The following LSS variants were observed in gnomAD, a reference collection of about 807,000 sequenced individuals.
The protein encoded by LSS is 2,3-epoxysqualene-lanosterol cyclase.
In LSS, 90 loss-of-function variants were observed where a neutral mutation model predicts 110.3. That is an observed-to-expected ratio of 0.82 (90% CI 0.69 to 0.97). LSS has a LOEUF of 0.97. LSS is among the 50% of genes least tolerant of loss of function. The probability of loss-of-function intolerance (pLI) is 0.00; values close to 1 mark genes in which losing one functional copy is unlikely to be tolerated. For missense variants in LSS, 927 were observed against 990.0 expected (o/e 0.94, Z 0.85); for synonymous variants, 433 against 400.0 (o/e 1.08, Z -0.98).
Position 46,222,037 on chromosome 21 carries a change from A to G in LSS, c.429-62T>C, listed in dbSNP as rs932864564. The G allele has an allele frequency of 3.1e-6, 5 of 1,588,806 alleles. No individual in the cohort carries two copies. In the African/African-American group the frequency reaches 6.8e-5, roughly 21 times the overall value. On this transcript the variant is annotated intron_variant, in intron 4 of 21. Coordinates refer to ENST00000397728, the MANE Select transcript of LSS (RefSeq NM_002340.6). The stretch of plus-strand genomic sequence containing the variant: ...GTCCTTACTTCTAAGAAATAAAGCA[A>G]AACTTTCTGTGGAGTTTCCTCAGAA...
chr21:46,217,849 G>A (rs1006543708), intron 6 of LSS, among the ~76,000 whole-genome samples: 3 of 152,162 alleles, frequency 2.0e-5, no homozygotes, highest in African/African-American at 7.2e-5. Flanking sequence ...AGTCCAGCGG[G>A]CATTTGAATG....
At position 46,215,674 on chromosome 21, in the gene LSS, G is replaced by A; in HGVS notation, c.892+11C>T. ...CTGGGCTGCCCTGCCGGCCCCTCAG[G>A]AGGCGCTCACCATATACCACGCGGA... On this transcript the variant is annotated intron_variant, in intron 8 of 21. Transcript: ENST00000397728. The A allele has an allele frequency of 6.3e-7, 1 of 1,590,482 alleles. No individual in the cohort carries two copies. The highest frequency in any genetic ancestry group is 1.1e-5 in the South Asian group (1 of 89,308).
intron 9 of LSS, among the ~76,000 whole-genome samples, chr21:46,214,157 A>G (rs1227314735): frequency 2.6e-5 from 4 of 152,180 alleles, no homozygotes; most frequent in African/African-American, 9.7e-5. Flanking sequence ...CAGGTGCCTT[A>G]GAGACAACAC....
rs781574112 is a variant in LSS, at chr21:46,213,040, G to A, written c.1122C>T (p.Asp374=). 69 of 1,613,774 alleles carry A rather than the reference G, an allele frequency of 4.3e-5. No homozygotes were observed. Among genetic ancestry groups the A allele is most frequent in the African/African-American group, 2.5e-4 (19 of 74,928 alleles). ...CAGCCCTTACCTGCATTTTCATGCC[G>A]TCAAGGCCCATCCTGTGAGGAGAAA... ...RIPDYLWMGL[D]GMKMQGTNGS... The change falls in exon 11 of 22, where the codon GAC becomes GAT. Residue 374 remains aspartate (D), a synonymous_variant. Transcript: ENST00000397728.
chr21:46,194,564 G>A lies in LSS; in HGVS notation c.1915C>T (p.Arg639Trp), dbSNP rs1286135138. Residue 639 changes from arginine to tryptophan, a missense_variant, in exon 20 of 22, where the codon CGG (arginine) becomes TGG (tryptophan). By Grantham distance (101) the Arg-to-Trp change is moderately radical. Coordinates refer to ENST00000397728, the MANE Select transcript of LSS (RefSeq NM_002340.6). ...WGEDFESCEE[R>W]RYLQSAQSQI... ...GACTGGGCACTCTGCAAATAACGCC[G>A]CTCCTCGCAGGACTCAAAGTCCTCC... is the stretch of plus-strand genomic sequence containing the variant. The A allele has an allele frequency of 4.3e-6, 7 of 1,613,536 alleles. No homozygotes were observed. The highest frequency in any genetic ancestry group is 2.2e-5 in the East Asian group (1 of 44,900).
At chr21:46,193,197 T>A (rs1364161317) in intron 20 of LSS, 1 of 448,382 alleles carries the variant, frequency 2.2e-6, no homozygotes, top group Admixed American at 2.4e-5. Context: ...GTGGCACAGA[T>A]GGGATGCTGT....
chr21:46,213,819 TTGA>T lies in LSS; in HGVS notation c.1025_1027del (p.Ile342del). ...GTCCACATACCAGCGCACAAGCATGTTGATGGTTTTCGAGATCTGCAGGAGAGA... is the reference window on the plus strand; with the variant it reads ...GTCCACATACCAGCGCACAAGCATGTTGGTTTTCGAGATCTGCAGGAGAGA... On this transcript the variant is annotated inframe_deletion, in exon 10 of 22. Transcript: ENST00000397728. 1 of 1,613,774 alleles carries T rather than the reference TTGA, an allele frequency of 6.2e-7. No individual in the cohort carries two copies. The highest frequency in any genetic ancestry group is 8.5e-7 in the Non-Finnish European group (1 of 1,179,864).
intron 17 of LSS, among the ~76,000 whole-genome samples, chr21:46,201,926 T>C (rs2123711132): frequency 6.7e-6 from 1 of 150,172 alleles, no homozygotes; most frequent in South Asian, 2.1e-4. Context: ...GCCTCCCGAG[T>C]AGCTGGGACT....
At chr21:46,226,094 C>T (rs190652072) in intron 3 of LSS, among the ~76,000 whole-genome samples, 3 of 151,568 alleles carry the variant, frequency 2.0e-5, no homozygotes, top group Admixed American at 1.3e-4. Flanking sequence ...CAAAATTGTG[C>T]CATTGCACTC....
intron 17 of LSS, among the ~76,000 whole-genome samples, chr21:46,196,769 C>G (rs984645952): frequency 2.0e-5 from 3 of 152,226 alleles, no homozygotes; most frequent in African/African-American, 7.2e-5. Flanking sequence ...CAGATCACGG[C>G]AGGGTTGATG....
At position 46,222,643 on chromosome 21, in the gene LSS, C is replaced by T; in HGVS notation, c.415G>A (p.Gly139Ser). The change falls in exon 4 of 22, where the codon GGT becomes AGT. Residue 139 changes from glycine (G) to serine (S), a missense_variant. Transcript: ENST00000397728. The stretch of plus-strand genomic sequence containing the variant: ...AGGCACACTCACAGGCCCCAGCCAC[C>T]GTCAGGGAGCTGCACTGACCGCAGG... ...RYLRSVQLPD[G>S]GWGLHIEDKS... 2 of 1,613,442 alleles carry T rather than the reference C, an allele frequency of 1.2e-6. No individual in the cohort carries two copies. The highest frequency in any genetic ancestry group is 1.1e-5 in the South Asian group (1 of 91,074).
intron 2 of LSS, 63 bp downstream of exon 2, chr21:46,228,371 G>A (rs1308140097): frequency 1.3e-6 from 2 of 1,553,782 alleles, no homozygotes; most frequent in African/African-American, 1.4e-5. Flanking sequence ...GAGAGAAAAC[G>A]TGCTCCTCAC....
At chr21:46,220,478 G>T (rs982853223) in intron 5 of LSS, 1 of 152,714 alleles carries the variant, frequency 6.5e-6, no homozygotes, top group South Asian at 2.1e-4. Flanking sequence ...GGAGTGGAAG[G>T]TAAGAGGCTC....
intron 1 of LSS, 27 bp downstream of exon 1, chr21:46,228,705 T>C: frequency 6.2e-7 from 1 of 1,602,690 alleles, no homozygotes. Flanking sequence ...CCCGCATTCG[T>C]CAGGAGCCCG....
intron 12 of LSS, among the ~76,000 whole-genome samples, chr21:46,210,064 T>TC (rs35931167): frequency 5.6e-4 from 28 of 50,014 alleles, no homozygotes; most frequent in Admixed American, 9.6e-4. Context: ...GTTCCAGTTC[T>TC]TTTTTTTTTT....
At chr21:46,228,352 C>T in intron 2 of LSS, 82 bp downstream of exon 2, 2 of 1,494,212 alleles carry the variant, frequency 1.3e-6, no homozygotes, top group South Asian at 1.2e-5. Context: ...TCCTCCCACC[C>T]GCCTTTCTGA....
At chr21:46,197,884 CAA>C (rs1299348841) in intron 17 of LSS, among the ~76,000 whole-genome samples, 1 of 122,196 alleles carries the variant, frequency 8.2e-6, no homozygotes, top group African/African-American at 3.0e-5. Context: ...GACTCTGTCT[CAA>C]AAAAAAAAAA....
rs545023283 is a variant in LSS, at chr21:46,225,919, G to A, written c.319+1633C>T. 2.2e-4 allele frequency among the ~76,000 whole-genome samples: 33 copies of A among 152,156 alleles called. No individual in the cohort carries two copies. In the East Asian group the frequency reaches 5.6e-3, roughly 26 times the overall value. ...ACGTCTTGGTGGTAGTGGTCCCCCG[G>A]GCCCAGCTGTCTTTTCTTTCATCTC... is the stretch of plus-strand genomic sequence containing the variant. On this transcript the variant is annotated intron_variant, in intron 3 of 21. Transcript: ENST00000397728.
At chr21:46,227,426 C>A (rs2123768991) in intron 3 of LSS, 126 bp downstream of exon 3, 1 of 1,224,362 alleles carries the variant, frequency 8.2e-7, no homozygotes, top group African/African-American at 1.5e-5. Flanking sequence ...GCAGAGTTTG[C>A]CAGCCCTTTT....
Sources: allele counts gnomAD v4.1 joint callset (sites outside exome capture counted in the v4.1 genomes callset), GRCh38; gene constraint gnomAD v4.1.1; transcripts MANE v1.5; gene names NCBI Gene and HGNC (gene_info 2026-07-23, HGNC 2026-07-21).